NPIPB13: variants seen among roughly 807,000 people sequenced by gnomAD.
NPIPB13 encodes the protein nuclear pore complex-interacting protein family member B13.
At chr16:30,238,139 C>G (rs1343891258) in intron 2 of NPIPB13, among the ~76,000 whole-genome samples, 21,238 of 72,386 alleles carry the variant, frequency 0.29, 1,157 homozygotes, top group African/African-American at 0.43. Context: ...GGGAGTGGTG[C>G]CACATGTCTG....
intron 2 of NPIPB13, among the ~76,000 whole-genome samples, chr16:30,241,842 A>T (rs2073593985): frequency 2.8e-5 from 3 of 107,996 alleles, no homozygotes; most frequent in Admixed American, 1.8e-4. Context: ...AAAAAAAAAA[A>T]AAAAAAAAGC....
chr16:30,246,609 GGGCA>G (rs2073614765), upstream of NPIPB13, among the ~76,000 whole-genome samples: 2 of 82,182 alleles, frequency 2.4e-5, no homozygotes, highest in Admixed American at 2.4e-4. Context: ...CTCGGGCTCT[GGGCA>G]GATGCCAGGG....
intron 2 of NPIPB13, among the ~76,000 whole-genome samples, chr16:30,241,221 G>A (rs1208966990): frequency 8.3e-4 from 59 of 70,762 alleles, no homozygotes; most frequent in African/African-American, 1.1e-3. Context: ...AGGCCGAGGT[G>A]GGCGGATCAC....
At chr16:30,238,233 T>C (rs1208235680) in intron 2 of NPIPB13, among the ~76,000 whole-genome samples, 31 of 124,996 alleles carry the variant, frequency 2.5e-4, no homozygotes, top group African/African-American at 9.8e-4. Context: ...TATTGCCCCA[T>C]TGCACTCCAG....
intron 3 of NPIPB13, among the ~76,000 whole-genome samples, chr16:30,232,357 G>A (rs554730547): frequency 2.3e-4 from 25 of 110,016 alleles, no homozygotes; most frequent in African/African-American, 4.4e-4. Flanking sequence ...CCAGCTAGTC[G>A]GGAGGCTGAG....
At chr16:30,241,740 C>G (rs2073592880) in intron 2 of NPIPB13, among the ~76,000 whole-genome samples, 1 of 41,906 alleles carries the variant, frequency 2.4e-5, no homozygotes, top group Non-Finnish European at 5.4e-5. Context: ...GCAGGACAAT[C>G]CCTTGGACCC....
intron 2 of NPIPB13, among the ~76,000 whole-genome samples, chr16:30,241,831 A>C (rs1179934691): frequency 4.7e-3 from 506 of 106,796 alleles, no homozygotes; most frequent in African/African-American, 0.015. Context: ...ACTCTGTCTC[A>C]AAAAAAAAAA....
chr16:30,241,186 AC>A (rs2073590515), intron 2 of NPIPB13, among the ~76,000 whole-genome samples: 1 of 128,044 alleles, frequency 7.8e-6, no homozygotes, highest in Admixed American at 8.1e-5. Flanking sequence ...GTGGTGGCTC[AC>A]GCCTGTAATC....
Position 30,231,812 on chromosome 16 carries a change from A to AT in NPIPB13, c.284dup (p.Asn95LysfsTer4). On this transcript the variant is annotated frameshift_variant, in exon 4 of 8. Transcript: ENST00000520915. LOFTEE classifies it high-confidence loss of function. ...GTACATCCGTGGATCCATCATGTCC[A>AT]TTTCGAGACCAGAAGATAGTCTTCA... 5.3e-6 allele frequency: 1 copy of AT among 187,488 alleles called. No individual in the cohort carries two copies. Among genetic ancestry groups the AT allele is most frequent in the South Asian group, 2.1e-5 (1 of 46,904 alleles). The allele number at this position is 187,488 out of a possible 1,614,324, so 11.6% of individuals were successfully genotyped here.
At chr16:30,237,565 ATAT>A (rs2073574823) in intron 2 of NPIPB13, among the ~76,000 whole-genome samples, 1 of 47,930 alleles carries the variant, frequency 2.1e-5, no homozygotes, top group Non-Finnish European at 4.9e-5. Context: ...AAGATTGTTG[ATAT>A]TAATTCCATT....
Position 30,237,925 on chromosome 16 carries a change from TAAG to T in NPIPB13, c.121-2349_121-2347del, listed in dbSNP as rs1264766157. 7.8e-4 allele frequency among the ~76,000 whole-genome samples: 60 copies of T among 77,076 alleles called. No homozygotes were observed. In the East Asian group the frequency reaches 0.012, roughly 15 times the overall value. 50.6% of individuals were successfully genotyped at this position (77,076 alleles called of 152,430 possible). ...CCAGAATAAGCAAGCTAACCTATGA[TAAG>T]AAAGAGACTGGCTGGGAAGACTGAG... On this transcript the variant is annotated intron_variant, in intron 2 of 7. Transcript: ENST00000520915.
At chr16:30,232,561 A>C in intron 3 of NPIPB13, among the ~76,000 whole-genome samples, 1 of 87,034 alleles carries the variant, frequency 1.1e-5, no homozygotes, top group Admixed American at 1.4e-4. Context: ...AGGTCAAGAG[A>C]TGGAGACCAT....
chr16:30,232,550 A>C (rs1173809568), intron 3 of NPIPB13, among the ~76,000 whole-genome samples: 1 of 92,286 alleles, frequency 1.1e-5, no homozygotes, highest in East Asian at 3.0e-4. Flanking sequence ...GGTGAATCAC[A>C]AGGTCAAGAG....
chr16:30,232,387 C>T (rs2073557850), intron 3 of NPIPB13, among the ~76,000 whole-genome samples: 1 of 135,924 alleles, frequency 7.4e-6, no homozygotes, highest in Admixed American at 7.4e-5. Context: ...TCACTTGAAC[C>T]CAGCAGGAAA....
upstream of NPIPB13, among the ~76,000 whole-genome samples, chr16:30,246,765 C>T (rs1453715290): frequency 2.2e-5 from 1 of 44,840 alleles, no homozygotes; most frequent in Non-Finnish European, 4.6e-5. Context: ...ACACACTATG[C>T]TAAAAGTCCA....
intron 2 of NPIPB13, among the ~76,000 whole-genome samples, chr16:30,244,461 G>A: frequency 9.1e-6 from 1 of 110,464 alleles, no homozygotes; most frequent in Non-Finnish European, 1.9e-5. Context: ...GGGACAGAGT[G>A]AAACTCTGTC....
chr16:30,244,730 CTCTT>C (rs2073604004), intron 2 of NPIPB13, among the ~76,000 whole-genome samples: 2 of 77,214 alleles, frequency 2.6e-5, no homozygotes, highest in African/African-American at 4.9e-5. Context: ...ATGTGGTTAA[CTCTT>C]TTATTCAAAG....
At chr16:30,232,456 CTCT>C (rs1468801037) in intron 3 of NPIPB13, among the ~76,000 whole-genome samples, 2 of 146,394 alleles carry the variant, frequency 1.4e-5, no homozygotes, top group African/African-American at 2.5e-5. Context: ...AAAATTGAAA[CTCT>C]TGTCTCAAAA....
intron 5 of NPIPB13, among the ~76,000 whole-genome samples, chr16:30,230,888 A>AC (rs2073547359): frequency 1.8e-5 from 2 of 109,718 alleles, no homozygotes; most frequent in African/African-American, 6.5e-5. Flanking sequence ...AAAAAAAAAA[A>AC]AAAAAAAAAA....
Sources: gnomAD v4.1 joint callset for allele counts (sites outside exome capture counted in the v4.1 genomes callset) on GRCh38, gnomAD v4.1.1 for gene constraint, MANE v1.5 for transcripts, NCBI Gene and HGNC (gene_info 2026-07-23, HGNC 2026-07-21) for gene names.